Variants in XG observed in about 807,000 individuals in gnomAD.
XG encodes Xg glycoprotein (Xg blood group).
In XG, 24 loss-of-function variants were observed where a neutral mutation model predicts 25.7. That is an observed-to-expected ratio of 0.93 (90% CI 0.68 to 1.31). The LOEUF is 1.31. Ranked by LOEUF, XG falls within the 40% of genes most tolerant of loss-of-function variation. The probability of loss-of-function intolerance (pLI) is 0.00; values close to 1 mark genes in which losing one functional copy is unlikely to be tolerated. For missense variants in XG, 181 were observed against 187.6 expected (o/e 0.96, Z 0.21); for synonymous variants, 77 against 69.2 (o/e 1.11, Z -0.56).
At chrX:2,766,896 G>A (rs992135920) in intron 1 of XG, among the ~76,000 whole-genome samples, 32 of 152,206 alleles carry the variant, frequency 2.1e-4, no homozygotes, top group African/African-American at 7.7e-4. Context: ...AGGATAGAGG[G>A]AAAGTTAGAT....
intron 1 of XG, among the ~76,000 whole-genome samples, chrX:2,762,465 C>T (rs748927009): frequency 6.6e-6 from 1 of 152,172 alleles, no homozygotes; most frequent in South Asian, 2.1e-4. Flanking sequence ...GGGCGGCCTG[C>T]TCAGCTCTGG....
chrX:2,790,762 T>C (rs2147071741), intron 5 of XG, among the ~76,000 whole-genome samples: 1 of 111,898 alleles, frequency 8.9e-6, no homozygotes, highest in African/African-American at 3.2e-5. Context: ...ATTGTGCCAA[T>C]GCACAATCTA....
intron 7 of XG, among the ~76,000 whole-genome samples, chrX:2,798,869 C>G (rs1478475270): frequency 9.9e-6 from 1 of 100,923 alleles, no homozygotes. Context: ...GTGGGAAGTA[C>G]TTTTTTTTCT....
In XG at chrX:2,811,330, C is replaced by G; in HGVS notation, c.455-6C>G. The G allele has an allele frequency of 8.3e-7, 1 of 1,198,039 alleles. No individual in the cohort carries two copies. Among genetic ancestry groups the G allele is most frequent in the Non-Finnish European group, 1.1e-6 (1 of 886,468 alleles). ...GGATGAGCTTGCTTTTTCTCCACTC[C>G]TGCAGGCAATATGGTAGCAAAAATC... On this transcript the variant is annotated splice_region_variant and splice_polypyrimidine_tract_variant and intron_variant, in intron 9 of 10. Coordinates refer to ENST00000644266, the MANE Select transcript of XG (RefSeq NM_001141919.2).
chrX:2,779,384 A>G (rs1603307766), intron 3 of XG, among the ~76,000 whole-genome samples: 1 of 151,310 alleles, frequency 6.6e-6, no homozygotes, highest in Admixed American at 6.6e-5. Flanking sequence ...CTATGTCTAC[A>G]TTTAAATAAT....
In XG at chrX:2,764,377, C is replaced by G. The variant is rs143829398; in HGVS notation, c.62-6173C>G. On this transcript the variant is annotated intron_variant, in intron 1 of 10. Coordinates refer to ENST00000644266, the MANE Select transcript of XG (RefSeq NM_001141919.2). ...TCATTTTATGGACTCGCCGCAAATTCTTTCTTGTGCAAGGTCCAAGAACCC... is the reference window on the plus strand; with the variant it reads ...TCATTTTATGGACTCGCCGCAAATTGTTTCTTGTGCAAGGTCCAAGAACCC... Among the ~76,000 whole-genome samples the G allele has an allele frequency of 1.0e-3, 155 of 152,304 alleles. 1 individual carries two copies. The highest frequency in any genetic ancestry group is 9.0e-4 in the Non-Finnish European group (61 of 68,018).
intron 3 of XG, among the ~76,000 whole-genome samples, chrX:2,775,512 C>G (rs1457155616): frequency 1.3e-5 from 2 of 152,092 alleles, no homozygotes; most frequent in African/African-American, 4.8e-5. Flanking sequence ...TTCCAGGTTT[C>G]TTTTTGGGGG....
rs372373512 is a variant in XG, at chrX:2,767,317, A to T, written c.62-3233A>T. 1.4e-3 allele frequency among the ~76,000 whole-genome samples: 213 copies of T among 152,144 alleles called. 2 individuals are homozygous for T. The highest frequency in any genetic ancestry group is 4.5e-3 in the African/African-American group (186 of 41,512). ...CCGAGCACAGCTTTACCGGGGGCTC[A>T]TGTGTAACGCTCGGCCCACCCATCC... On this transcript the variant is annotated intron_variant, in intron 1 of 10. Coordinates refer to ENST00000644266, the MANE Select transcript of XG (RefSeq NM_001141919.2).
chrX:2,803,602 G>T (rs1460724451), intron 7 of XG, among the ~76,000 whole-genome samples: 1 of 109,514 alleles, frequency 9.1e-6, no homozygotes, highest in Non-Finnish European at 1.9e-5. Context: ...GAACCATAGG[G>T]GGGTGAAGTG....
Position 2,795,487 on chromosome X carries a change from G to A in XG, c.322+884G>A, listed in dbSNP as rs1435563205. Reference sequence around the variant, plus strand: ...TATATACACTTTTATATATACATATGTGTATATCTTTATATGTGTGTATAA... The same window carrying A: ...TATATACACTTTTATATATACATATATGTATATCTTTATATGTGTGTATAA... On this transcript the variant is annotated intron_variant, in intron 6 of 10. Transcript: ENST00000644266. Among the ~76,000 whole-genome samples, 7 of 98,925 alleles carry A rather than the reference G, an allele frequency of 7.1e-5. No homozygotes were observed. The East Asian group carries it at 1.5e-3, about 21-fold the overall frequency. 85.9% of individuals were successfully genotyped at this position (98,925 alleles called of 115,157 possible). A position where few individuals can be genotyped will look rare whatever the true frequency, so the allele number is the denominator to read the frequency against.
At chrX:2,804,465 T>A (rs1271732163) in intron 7 of XG, among the ~76,000 whole-genome samples, 1 of 108,210 alleles carries the variant, frequency 9.2e-6, no homozygotes, top group East Asian at 2.9e-4. Context: ...TCCTCCTACC[T>A]TGGCCTCCAT....
intron 3 of XG, 56 bp downstream of exon 3, chrX:2,774,795 C>T (rs368614920): frequency 2.8e-4 from 456 of 1,604,138 alleles, no homozygotes; most frequent in Non-Finnish European, 3.5e-4. Context: ...CTGATGCTTA[C>T]GGAGGGGATG....
In XG at chrX:2,775,777, G is replaced by A. The variant is rs765810512; in HGVS notation, c.127+1038G>A. On this transcript the variant is annotated intron_variant, in intron 3 of 10. Transcript: ENST00000644266. The stretch of plus-strand genomic sequence containing the variant: ...TCGAGACCAACCTGGCCAACATGGT[G>A]AAACCTGGTCTCTACTAAATATAAA... 2.6e-5 allele frequency among the ~76,000 whole-genome samples: 4 copies of A among 151,790 alleles called. No homozygotes were observed. In the East Asian group the frequency reaches 7.8e-4, roughly 29 times the overall value.
At chrX:2,778,936 A>AT (rs1417386575) in intron 3 of XG, among the ~76,000 whole-genome samples, 2 of 151,712 alleles carry the variant, frequency 1.3e-5, no homozygotes, top group South Asian at 4.2e-4. Flanking sequence ...TAATTTTTGC[A>AT]TTTTTTTAGT....
intron 1 of XG, among the ~76,000 whole-genome samples, chrX:2,762,179 G>A (rs1021739793): frequency 6.6e-6 from 1 of 152,166 alleles, no homozygotes; most frequent in Non-Finnish European, 1.5e-5. Flanking sequence ...CACCAAAGAT[G>A]TCTTGCTTTT....
At chrX:2,781,319 T>C (rs6655037) in intron 3 of XG, among the ~76,000 whole-genome samples, 28,661 of 151,168 alleles carry the variant, frequency 0.19, 3,013 homozygotes, top group East Asian at 0.35. Flanking sequence ...AACAAGTTTA[T>C]TGGGGCTTTG....
chrX:2,767,810 C>T lies in XG; in HGVS notation c.62-2740C>T, dbSNP rs189579401. ...AGTGCCCAGGCCGTCTGATGCTGGC[C>T]GGAGTCCGCCTGGTTTATGTAACGA... On this transcript the variant is annotated intron_variant, in intron 1 of 10. Transcript: ENST00000644266. Among the ~76,000 whole-genome samples, 401 of 152,280 alleles carry T rather than the reference C, an allele frequency of 2.6e-3. 3 individuals carry two copies. Among genetic ancestry groups the T allele is most frequent in the Admixed American group, 0.023 (347 of 15,288 alleles).
At chrX:2,776,082 G>T (rs1170428746) in intron 3 of XG, among the ~76,000 whole-genome samples, 1 of 152,190 alleles carries the variant, frequency 6.6e-6, no homozygotes, top group Admixed American at 6.5e-5. Flanking sequence ...AAGGTCAGGA[G>T]ATCGAGACCA....
chrX:2,762,515 T>C (rs2050587672), intron 1 of XG, among the ~76,000 whole-genome samples: 2 of 152,016 alleles, frequency 1.3e-5, no homozygotes, highest in African/African-American at 4.8e-5. Context: ...AGGGAGTCCC[T>C]GGATATTCAT....
Sources: allele counts gnomAD v4.1 joint callset (sites outside exome capture counted in the v4.1 genomes callset), GRCh38; gene constraint gnomAD v4.1.1; transcripts MANE v1.5; gene names NCBI Gene and HGNC (gene_info 2026-07-23, HGNC 2026-07-21).